Variants in FBXL2 observed in about 807,000 individuals in gnomAD.
FBXL2 encodes the protein F-box and leucine rich repeat protein 2, also known as F-box/LRR-repeat protein 2.
In FBXL2, 38 loss-of-function variants were observed where a neutral mutation model predicts 69.2. That is an observed-to-expected ratio of 0.55 (90% CI 0.42 to 0.72). The LOEUF (loss-of-function observed/expected upper bound fraction) is 0.72. FBXL2 is among the 30% of genes least tolerant of loss of function. The pLI is 0.00. For synonymous variants in FBXL2, 192 were observed against 201.3 expected (o/e 0.95, Z 0.39); for missense variants, 354 against 520.3 (o/e 0.68, Z 3.11).
chr3:33,411,420 G>A, the FBXL2 span, among the ~76,000 whole-genome samples: 1 of 151,990 alleles, frequency 6.6e-6, no homozygotes, highest in South Asian at 2.1e-4. Context: ...GTTTAAAATA[G>A]GGTGAACTTA....
intron 5 of FBXL2, among the ~76,000 whole-genome samples, chr3:33,371,573 A>T (rs539071196): frequency 1.3e-4 from 20 of 152,324 alleles, no homozygotes; most frequent in Admixed American, 1.3e-3. Flanking sequence ...AGGCAATAAC[A>T]TTATAACTTT....
Position 33,379,860 on chromosome 3 carries a change from T to G in FBXL2, c.951+1119T>G, listed in dbSNP as rs548172366. 3.9e-5 allele frequency among the ~76,000 whole-genome samples: 6 copies of G among 152,126 alleles called. 1 individual carries two copies. Among genetic ancestry groups the G allele is most frequent in the African/African-American group, 1.4e-4 (6 of 41,406 alleles). ...CAAGTGTAGTTTAATATTTGAAAAC[T>G]GACTGATGTAATCAACCATATTAAC... On this transcript the variant is annotated intron_variant, in intron 13 of 14. Transcript: ENST00000484457.
Position 33,387,622 on chromosome 3 carries a change from C to CAACA in FBXL2, c.*2016_*2017insCAAA, listed in dbSNP as rs1450111094. On this transcript the variant is annotated 3_prime_UTR_variant, in exon 15 of 15. Coordinates refer to ENST00000484457, the MANE Select transcript of FBXL2 (RefSeq NM_012157.5). The stretch of plus-strand genomic sequence containing the variant: ...ACTCCATCATCATCTCAAAACAAAA[C>CAACA]AAACAAACAAACAAAACAAACCACC... 1 of 106,016 alleles carries CAACA rather than the reference C, an allele frequency of 9.4e-6. No individual in the cohort carries two copies. Among genetic ancestry groups the CAACA allele is most frequent in the Non-Finnish European group, 2.0e-5 (1 of 49,118 alleles). 6.6% of individuals were successfully genotyped at this position (106,016 alleles called of 1,614,324 possible).
chr3:33,300,677 G>C (rs924476645), intron 2 of FBXL2: 5 of 149,484 alleles, frequency 3.3e-5, no homozygotes, highest in Non-Finnish European at 5.9e-5. Context: ...TCCATTCTCT[G>C]TGTAGCTTTC....
intron 2 of FBXL2, chr3:33,303,221 T>C (rs2036438513): frequency 6.6e-6 from 3 of 454,370 alleles, no homozygotes; most frequent in Non-Finnish European, 1.3e-5. Context: ...ATGCAGATTT[T>C]CCCTCTTTGC....
At chr3:33,299,118 C>T (rs1021672689) in intron 2 of FBXL2, among the ~76,000 whole-genome samples, 10 of 151,476 alleles carry the variant, frequency 6.6e-5, no homozygotes, top group South Asian at 4.2e-4. Context: ...CTCGGCTCAC[C>T]GCATCTTCCG....
chr3:33,335,419 A>T (rs2039501521), intron 2 of FBXL2, among the ~76,000 whole-genome samples: 1 of 152,164 alleles, frequency 6.6e-6, no homozygotes, highest in Non-Finnish European at 1.5e-5. Context: ...TAAAGCAAAG[A>T]TCATAATGAT....
intron 13 of FBXL2, among the ~76,000 whole-genome samples, chr3:33,382,340 C>T (rs989726371): frequency 2.0e-5 from 3 of 152,126 alleles, no homozygotes; most frequent in Non-Finnish European, 2.9e-5. Flanking sequence ...TGAATACACC[C>T]CGATCAAAGG....
At chr3:33,288,347 C>T (rs1203715237) in intron 1 of FBXL2, among the ~76,000 whole-genome samples, 1 of 152,292 alleles carries the variant, frequency 6.6e-6, no homozygotes, top group Non-Finnish European at 1.5e-5. Context: ...AGTGCGCAAA[C>T]CGAGTATGGC....
rs1553667019 is a variant in FBXL2, at chr3:33,386,804, C to CTAT, written c.*1196_*1197insTAT. The CTAT allele has an allele frequency of 8.5e-6, 1 of 118,078 alleles. No homozygotes were observed. The highest frequency in any genetic ancestry group is 3.2e-5 in the African/African-American group (1 of 31,012). 7.3% of individuals were successfully genotyped at this position (118,078 alleles called of 1,614,324 possible). On this transcript the variant is annotated 3_prime_UTR_variant, in exon 15 of 15. Transcript: ENST00000484457. ...CCATATTTATGATCTTTATTAAGAA[C>CTAT]CTGTCAATCAGTCATCACCACCTTC... is the stretch of plus-strand genomic sequence containing the variant.
chr3:33,359,404 AG>A, intron 4 of FBXL2, 47 bp downstream of exon 4: 1 of 1,339,648 alleles, frequency 7.5e-7, no homozygotes, highest in Non-Finnish European at 1.1e-6. Flanking sequence ...AAATATGAGT[AG>A]CTGTTCCCCC....
At chr3:33,281,061 T>A (rs1030388444) in intron 1 of FBXL2, among the ~76,000 whole-genome samples, 185 of 152,320 alleles carry the variant, frequency 1.2e-3, no homozygotes, top group African/African-American at 3.9e-3. Context: ...TTAAATTTTT[T>A]AATTATACTT....
At chr3:33,328,393 AC>A (rs1670139202) in intron 2 of FBXL2, among the ~76,000 whole-genome samples, 1 of 152,172 alleles carries the variant, frequency 6.6e-6, no homozygotes, top group Non-Finnish European at 1.5e-5. Context: ...AATAGGCAAA[AC>A]AATCCTGAGC....
intron 13 of FBXL2, among the ~76,000 whole-genome samples, chr3:33,380,748 A>G (rs371071636): frequency 1.3e-5 from 2 of 152,014 alleles, no homozygotes; most frequent in African/African-American, 4.8e-5. Flanking sequence ...CACCACATCC[A>G]TGGGAGCAGA....
At chr3:33,419,656 G>T in the FBXL2 span, among the ~76,000 whole-genome samples, 3 of 147,662 alleles carry the variant, frequency 2.0e-5, no homozygotes, top group Non-Finnish European at 3.0e-5. Context: ...CAGAAGAAAA[G>T]AAAAGACTCT....
At chr3:33,299,661 A>C (rs374297844) in intron 2 of FBXL2, among the ~76,000 whole-genome samples, 58 of 152,256 alleles carry the variant, frequency 3.8e-4, no homozygotes, top group African/African-American at 1.4e-3. Context: ...AGGGTGTTTC[A>C]TTAGTCATCA....
intron 1 of FBXL2, among the ~76,000 whole-genome samples, chr3:33,292,737 A>G (rs1217512228): frequency 6.6e-6 from 1 of 152,158 alleles, no homozygotes; most frequent in Non-Finnish European, 1.5e-5. Context: ...ATGGATAAAA[A>G]AAAAACAAGC....
At chr3:33,336,935 T>C (rs2039630156) in intron 2 of FBXL2, among the ~76,000 whole-genome samples, 1 of 151,038 alleles carries the variant, frequency 6.6e-6, no homozygotes, top group Non-Finnish European at 1.5e-5. Flanking sequence ...CCTGGCGCAG[T>C]GGCTCACGTC....
intron 1 of FBXL2, among the ~76,000 whole-genome samples, chr3:33,287,939 C>G (rs948773148): frequency 3.9e-5 from 6 of 152,124 alleles, no homozygotes; most frequent in African/African-American, 1.4e-4. Context: ...GAAGGATTTA[C>G]TGGGTTTTTT....
Sources: gnomAD v4.1 joint callset for allele counts (sites outside exome capture counted in the v4.1 genomes callset) on GRCh38, gnomAD v4.1.1 for gene constraint, MANE v1.5 for transcripts, NCBI Gene and HGNC (gene_info 2026-07-23, HGNC 2026-07-21) for gene names.